ERC2: variants seen among roughly 807,000 people sequenced by gnomAD.
The protein encoded by ERC2 is ERC protein 2.
Under a neutral mutation model 114.8 loss-of-function variants are expected in ERC2, and 42 were observed. The observed-to-expected ratio is 0.37, with a 90% CI of 0.29 to 0.47. The LOEUF (loss-of-function observed/expected upper bound fraction) is 0.47. Ranked by LOEUF, ERC2 falls within the 20% of genes least tolerant of loss-of-function variation. The pLI, the probability that ERC2 is intolerant of heterozygous loss-of-function variation, is 0.99. For synonymous variants in ERC2, 454 were observed against 425.5 expected, an observed-to-expected ratio of 1.07 and a Z score of -0.82; for missense variants, 939 against 1,150.7, an observed-to-expected ratio of 0.82 and a Z score of 2.66.
At chr3:56,104,779 A>G (rs1174729730) in intron 6 of ERC2, among the ~76,000 whole-genome samples, 4 of 152,176 alleles carry the variant, frequency 2.6e-5, no homozygotes, top group Admixed American at 6.5e-5. Context: ...GCTGTGTCCC[A>G]GGCACTGTTC....
At chr3:55,681,073 A>G (rs753639509) in intron 17 of ERC2, among the ~76,000 whole-genome samples, 3 of 152,064 alleles carry the variant, frequency 2.0e-5, no homozygotes, top group Non-Finnish European at 4.4e-5. Flanking sequence ...TAAGAGGGGA[A>G]AGGCTAGCTC....
intron 14 of ERC2, among the ~76,000 whole-genome samples, chr3:55,768,025 A>G: frequency 6.6e-6 from 1 of 152,110 alleles, no homozygotes; most frequent in Non-Finnish European, 1.5e-5. Flanking sequence ...GTTGTTTAAA[A>G]GTGTGTAGCA....
intron 14 of ERC2, among the ~76,000 whole-genome samples, chr3:55,836,060 C>T (rs555270872): frequency 1.3e-5 from 2 of 150,616 alleles, no homozygotes; most frequent in Non-Finnish European, 2.9e-5. Flanking sequence ...TGTGAAGGAC[C>T]TCTTCAAGGA....
At chr3:56,112,060 C>A (rs537370103) in intron 6 of ERC2, among the ~76,000 whole-genome samples, 1 of 152,140 alleles carries the variant, frequency 6.6e-6, no homozygotes, top group Non-Finnish European at 1.5e-5. Flanking sequence ...TAACTAAAAA[C>A]ATCTTTCTAG....
At chr3:56,228,501 A>C (rs1299669112) in intron 3 of ERC2, among the ~76,000 whole-genome samples, 1 of 152,238 alleles carries the variant, frequency 6.6e-6, no homozygotes, top group Non-Finnish European at 1.5e-5. Flanking sequence ...AATGTCCTTA[A>C]GTTTCATCCA....
intron 12 of ERC2, among the ~76,000 whole-genome samples, chr3:55,952,318 A>T (rs888657659): frequency 4.6e-5 from 7 of 151,650 alleles, no homozygotes; most frequent in African/African-American, 1.7e-4. Flanking sequence ...ATGATATAAT[A>T]ACCATCTCCT....
At chr3:55,678,031 A>C (rs1219253684) in intron 17 of ERC2, among the ~76,000 whole-genome samples, 1 of 152,226 alleles carries the variant, frequency 6.6e-6, no homozygotes, top group Admixed American at 6.5e-5. Flanking sequence ...ATTCAAGTTG[A>C]AGCTCTAAAC....
intron 14 of ERC2, among the ~76,000 whole-genome samples, chr3:55,805,007 A>G (rs1464168724): frequency 6.6e-6 from 1 of 152,000 alleles, no homozygotes; most frequent in African/African-American, 2.4e-5. Context: ...TAGTGTCAGA[A>G]TTACTTAAAT....
At chr3:55,746,800 G>C (rs918117159) in intron 14 of ERC2, among the ~76,000 whole-genome samples, 1 of 152,204 alleles carries the variant, frequency 6.6e-6, no homozygotes, top group African/African-American at 2.4e-5. Context: ...CAAAGCTGTT[G>C]ATTCAATGTT....
At chr3:56,036,313 C>G (rs2074798473) in intron 7 of ERC2, among the ~76,000 whole-genome samples, 1 of 152,164 alleles carries the variant, frequency 6.6e-6, no homozygotes, top group Non-Finnish European at 1.5e-5. Flanking sequence ...AGGATGCCCA[C>G]TTTTGCCACT....
At chr3:55,559,017 GA>G (rs1267306018) in intron 17 of ERC2, among the ~76,000 whole-genome samples, 2 of 152,254 alleles carry the variant, frequency 1.3e-5, no homozygotes, top group African/African-American at 4.8e-5. Flanking sequence ...CAGGCTGAGA[GA>G]GCAGGAGACC....
intron 14 of ERC2, among the ~76,000 whole-genome samples, chr3:55,815,927 G>T (rs2059891078): frequency 1.3e-5 from 2 of 152,170 alleles, no homozygotes; most frequent in Non-Finnish European, 2.9e-5. Context: ...GGAGCCTCTG[G>T]AAAACCTACC....
intron 10 of ERC2, among the ~76,000 whole-genome samples, chr3:56,000,004 T>C (rs2071906710): frequency 6.6e-6 from 1 of 151,748 alleles, no homozygotes; most frequent in East Asian, 1.9e-4. Context: ...AATTAAAATT[T>C]TGACCCAACA....
At position 55,528,213 on chromosome 3, in the gene ERC2, C is replaced by G. The variant is rs533045807; in HGVS notation, c.*40-16937G>C. On this transcript the variant is annotated intron_variant, in intron 17 of 17. Coordinates refer to ENST00000288221, the MANE Select transcript of ERC2 (RefSeq NM_015576.3). ...CAATGAAACAATAATTTTAGAGAAA[C>G]AAAACCCTGCCTAGGAACAGCCTGC... is the stretch of plus-strand genomic sequence containing the variant. Among the ~76,000 whole-genome samples the G allele has an allele frequency of 5.9e-5, 9 of 152,236 alleles. No individual in the cohort carries two copies. The South Asian group carries it at 1.9e-3, about 32-fold the overall frequency.
intron 14 of ERC2, among the ~76,000 whole-genome samples, chr3:55,806,784 G>T (rs2059510179): frequency 6.6e-6 from 1 of 152,168 alleles, no homozygotes; most frequent in Non-Finnish European, 1.5e-5. Flanking sequence ...ACCTGAGTTG[G>T]GGTCCCAGCT....
intron 7 of ERC2, among the ~76,000 whole-genome samples, chr3:56,064,637 G>C (rs2076389486): frequency 6.6e-6 from 1 of 152,146 alleles, no homozygotes; most frequent in Non-Finnish European, 1.5e-5. Context: ...GGATGTCTGA[G>C]GCAAACAGTA....
At chr3:55,877,276 G>T (rs544080895) in intron 14 of ERC2, among the ~76,000 whole-genome samples, 102 of 152,170 alleles carry the variant, frequency 6.7e-4, no homozygotes, top group African/African-American at 2.4e-3. Context: ...CTTGCCAAAG[G>T]TTCCCCTGAT....
At chr3:55,841,780 T>A (rs916010702) in intron 14 of ERC2, among the ~76,000 whole-genome samples, 3 of 152,084 alleles carry the variant, frequency 2.0e-5, no homozygotes, top group African/African-American at 4.8e-5. Context: ...TCAACAATCT[T>A]AACAAAAACA....
chr3:56,211,252 T>C (rs1231029203), intron 3 of ERC2, among the ~76,000 whole-genome samples: 3 of 152,032 alleles, frequency 2.0e-5, no homozygotes, highest in Non-Finnish European at 2.9e-5. Context: ...TCAATAAAGT[T>C]TTAGGATACA....
Sources: allele counts gnomAD v4.1 joint callset (sites outside exome capture counted in the v4.1 genomes callset), GRCh38; gene constraint gnomAD v4.1.1; transcripts MANE v1.5; gene names NCBI Gene and HGNC (gene_info 2026-07-23, HGNC 2026-07-21).